GOLPH3: variants seen among roughly 807,000 people sequenced by gnomAD.
The protein encoded by GOLPH3 is coat protein GPP34.
Under a neutral mutation model 28.5 loss-of-function variants are expected in GOLPH3, and 14 were observed. That is an observed-to-expected ratio of 0.49 (90% CI 0.32 to 0.77). The LOEUF is 0.77. Among genes scored for constraint, GOLPH3 ranks in the 30% least tolerant of loss-of-function variants. The pLI is 0.03. For missense variants in GOLPH3, 350 were observed against 393.7 expected (o/e 0.89, Z 0.94); for synonymous variants, 158 against 159.2 (o/e 0.99, Z 0.06).
chr5:32,130,115 A>G (rs941085910), intron 3 of GOLPH3, among the ~76,000 whole-genome samples: 1 of 152,214 alleles, frequency 6.6e-6, no homozygotes, highest in Non-Finnish European at 1.5e-5. Flanking sequence ...TGCTGGGATT[A>G]CAGGCATGAG....
At chr5:32,167,076 T>G (rs1309447725) in intron 1 of GOLPH3, among the ~76,000 whole-genome samples, 1 of 152,182 alleles carries the variant, frequency 6.6e-6, no homozygotes, top group African/African-American at 2.4e-5. Context: ...GATTTACATG[T>G]AAGATGATAT....
intron 3 of GOLPH3, among the ~76,000 whole-genome samples, chr5:32,129,130 C>T (rs868516803): frequency 6.6e-6 from 1 of 151,976 alleles, no homozygotes; most frequent in Non-Finnish European, 1.5e-5. Flanking sequence ...TGCAGTGAGC[C>T]GAGATTGCAC....
intron 1 of GOLPH3, among the ~76,000 whole-genome samples, chr5:32,145,054 C>T (rs905763269): frequency 7.9e-5 from 12 of 152,178 alleles, no homozygotes; most frequent in African/African-American, 2.7e-4. Flanking sequence ...CTGGCCCTCA[C>T]CTCTGGCACT....
rs748172075 is a variant in GOLPH3 at position 32,126,576 on chromosome 5, G to A, written c.533C>T (p.Ala178Val). The change falls in exon 4 of 4, where the codon GCT (alanine) becomes GTT (valine). Residue 178 changes from alanine to valine, a missense_variant. Transcript: ENST00000265070. ...TACACCCTTTTCCACCAGGTTTTTA[G>A]CTAATCGTTCCCGTACATTTCTTAA... ...YQLRNVRERLAKNLVEKGVLT... is the reference protein window; with the variant it reads ...YQLRNVRERLVKNLVEKGVLT... The A allele has an allele frequency of 6.2e-7, 1 of 1,614,066 alleles. No homozygotes were observed. The highest frequency in any genetic ancestry group is 8.5e-7 in the Non-Finnish European group (1 of 1,179,982).
At chr5:32,173,664 CAG>C (rs1201717921) in intron 1 of GOLPH3, 144 bp downstream of exon 1, 11 of 477,622 alleles carry the variant, frequency 2.3e-5, no homozygotes, top group Admixed American at 1.4e-4. Flanking sequence ...CGCTCGGCGT[CAG>C]CTGGGCGCCA....
chr5:32,148,745 C>T (rs375527963), intron 1 of GOLPH3, among the ~76,000 whole-genome samples: 16 of 152,220 alleles, frequency 1.1e-4, no homozygotes, highest in Middle Eastern at 3.4e-3. Flanking sequence ...TGCAGTGAGG[C>T]GAGATCGCGC....
At chr5:32,158,508 G>C (rs1057211148) in intron 1 of GOLPH3, among the ~76,000 whole-genome samples, 3 of 151,928 alleles carry the variant, frequency 2.0e-5, no homozygotes, top group South Asian at 2.1e-4. Context: ...AGACAGACCC[G>C]GACCAACCCT....
chr5:32,147,956 A>AAT (rs1247524127), intron 1 of GOLPH3, among the ~76,000 whole-genome samples: 3 of 152,226 alleles, frequency 2.0e-5, no homozygotes, highest in Non-Finnish European at 4.4e-5. Context: ...AAGATTAAAT[A>AAT]ATATATATAA....
At chr5:32,167,193 T>TGGA (rs1198333316) in intron 1 of GOLPH3, among the ~76,000 whole-genome samples, 3 of 152,234 alleles carry the variant, frequency 2.0e-5, no homozygotes, top group African/African-American at 7.2e-5. Flanking sequence ...TCTTTTGAGA[T>TGGA]GGAGTTCCAC....
At chr5:32,173,557 G>A (rs1006837887) in intron 1 of GOLPH3, among the ~76,000 whole-genome samples, 4 of 152,116 alleles carry the variant, frequency 2.6e-5, no homozygotes, top group African/African-American at 9.7e-5. Flanking sequence ...GAAATGAAAG[G>A]AGCGACTGTG....
At chr5:32,134,247 C>A (rs948234296) in intron 3 of GOLPH3, among the ~76,000 whole-genome samples, 14 of 151,892 alleles carry the variant, frequency 9.2e-5, no homozygotes, top group African/African-American at 3.4e-4. Context: ...ACTCTGTCAC[C>A]CAGGTTGGAG....
chr5:32,141,650 G>C (rs149301708), intron 2 of GOLPH3, among the ~76,000 whole-genome samples: 4,839 of 152,220 alleles, frequency 0.032, 158 homozygotes, highest in East Asian at 0.17. Context: ...CTCTGATGCC[G>C]AGCCAAAGCT....
intron 2 of GOLPH3, among the ~76,000 whole-genome samples, chr5:32,137,369 T>C (rs550794870): frequency 9.9e-5 from 15 of 152,018 alleles, no homozygotes; most frequent in Middle Eastern, 3.4e-3. Context: ...TAAAAAAAGC[T>C]ACACTGAGGC....
At position 32,162,742 on chromosome 5, in the gene GOLPH3, A is replaced by T. The variant is rs1413952322; in HGVS notation, c.225+11068T>A. Among the ~76,000 whole-genome samples the T allele has an allele frequency of 3.9e-5, 6 of 152,342 alleles. No individual in the cohort carries two copies. The East Asian group carries it at 1.2e-3, about 29-fold the overall frequency. On this transcript the variant is annotated intron_variant, in intron 1 of 3. Coordinates refer to ENST00000265070, the MANE Select transcript of GOLPH3 (RefSeq NM_022130.4). ...TTTCAAAGCACTCACATATGCCAAC[A>T]CATTGGATCCCTACAACTTAGAGGC...
chr5:32,152,471 C>T (rs1453237478), intron 1 of GOLPH3, among the ~76,000 whole-genome samples: 1 of 142,796 alleles, frequency 7.0e-6, no homozygotes, highest in South Asian at 2.4e-4. Context: ...ATCATGCTTA[C>T]CTATCAGACC....
At chr5:32,170,392 TA>T (rs1746805220) in intron 1 of GOLPH3, among the ~76,000 whole-genome samples, 1 of 152,222 alleles carries the variant, frequency 6.6e-6, no homozygotes, top group Admixed American at 6.5e-5. Flanking sequence ...AGCTCACATA[TA>T]TAAAATATTT....
At chr5:32,154,956 G>A (rs1241137281) in intron 1 of GOLPH3, among the ~76,000 whole-genome samples, 6 of 152,036 alleles carry the variant, frequency 3.9e-5, no homozygotes, top group African/African-American at 7.2e-5. Flanking sequence ...GGTGGCATGC[G>A]CCTGTAATCC....
intron 2 of GOLPH3, among the ~76,000 whole-genome samples, chr5:32,142,739 G>A (rs1461823324): frequency 6.8e-6 from 1 of 147,718 alleles, no homozygotes; most frequent in Non-Finnish European, 1.5e-5. Flanking sequence ...CCCCGTCCGG[G>A]AGGTGAGGGG....
intron 2 of GOLPH3, among the ~76,000 whole-genome samples, chr5:32,143,424 G>A (rs965892058): frequency 4.6e-5 from 7 of 151,102 alleles, no homozygotes; most frequent in Admixed American, 6.6e-5. Flanking sequence ...CCCCCTCTGC[G>A]AGAAACACCC....
Sources: gnomAD v4.1 joint callset for allele counts (sites outside exome capture counted in the v4.1 genomes callset) on GRCh38, gnomAD v4.1.1 for gene constraint, MANE v1.5 for transcripts, NCBI Gene and HGNC (gene_info 2026-07-23, HGNC 2026-07-21) for gene names.